Variants in GMDS observed in about 807,000 individuals in gnomAD.
The protein encoded by GMDS is GDP-mannose 4,6-dehydratase.
GMDS carries 20 observed loss-of-function variants against 49.9 expected under a neutral mutation model. That is an observed-to-expected ratio of 0.40 (90% CI 0.28 to 0.58). The LOEUF is 0.58. Among genes scored for constraint, GMDS ranks in the 20% least tolerant of loss-of-function variants. GMDS has a pLI of 0.42. For synonymous variants in GMDS, 177 were observed against 178.6 expected (o/e 0.99, Z 0.07); for missense variants, 362 against 481.4 (o/e 0.75, Z 2.32).
At position 1,722,215 on chromosome 6, in the gene GMDS, C is replaced by T. The variant is rs141225049; in HGVS notation, c.987+4201G>A. ...CCCAGTAGCTGTGACTACAGGTGCC[C>T]GCCACCCTCCCTGGCTAATTATTAT... On this transcript the variant is annotated intron_variant, in intron 9 of 10. Transcript: ENST00000380815. Among the ~76,000 whole-genome samples the T allele has an allele frequency of 4.7e-3, 656 of 138,744 alleles. 2 individuals carry two copies. The highest frequency in any genetic ancestry group is 0.015 in the African/African-American group (599 of 38,664). The allele number at this position is 138,744 out of a possible 152,430, so 91.0% of individuals were successfully genotyped here.
At chr6:1,909,964 G>C (rs895890426) in intron 7 of GMDS, among the ~76,000 whole-genome samples, 1 of 152,218 alleles carries the variant, frequency 6.6e-6, no homozygotes, top group Non-Finnish European at 1.5e-5. Context: ...GGCCTGAACT[G>C]TGGCTCATCT....
At chr6:1,665,823 G>A (rs941991281) in intron 9 of GMDS, among the ~76,000 whole-genome samples, 5 of 152,172 alleles carry the variant, frequency 3.3e-5, no homozygotes, top group Admixed American at 1.3e-4. Context: ...ATGTCTTCAG[G>A]CTACAAGGAA....
At chr6:1,717,313 A>T (rs1766210181) in intron 9 of GMDS, among the ~76,000 whole-genome samples, 1 of 152,228 alleles carries the variant, frequency 6.6e-6, no homozygotes, top group African/African-American at 2.4e-5. Context: ...GGCTCTAGGG[A>T]GCAAGTACAA....
intron 1 of GMDS, among the ~76,000 whole-genome samples, chr6:2,241,812 T>A (rs536666724): frequency 4.6e-5 from 7 of 152,314 alleles, no homozygotes; most frequent in African/African-American, 1.7e-4. Context: ...CTTTTCTTTA[T>A]AAATTACCCA....
chr6:1,654,385 C>T (rs1489320113), intron 9 of GMDS, among the ~76,000 whole-genome samples: 1 of 152,156 alleles, frequency 6.6e-6, no homozygotes, highest in Non-Finnish European at 1.5e-5. Flanking sequence ...ATTAATGAAT[C>T]GACAGACTGT....
At chr6:1,688,042 C>A (rs536629396) in intron 9 of GMDS, among the ~76,000 whole-genome samples, 7 of 152,108 alleles carry the variant, frequency 4.6e-5, no homozygotes, top group African/African-American at 1.7e-4. Context: ...GAATGGAGGC[C>A]GTGAGGCTCT....
At chr6:2,243,740 G>C (rs929696476) in intron 1 of GMDS, among the ~76,000 whole-genome samples, 1 of 148,996 alleles carries the variant, frequency 6.7e-6, no homozygotes, top group African/African-American at 2.5e-5. Context: ...ATTACCTTAA[G>C]CAAAGCAAGA....
chr6:1,901,750 A>G lies in GMDS; in HGVS notation c.771+28353T>C, dbSNP rs1486202403. 4.6e-5 allele frequency among the ~76,000 whole-genome samples: 7 copies of G among 152,334 alleles called. No individual in the cohort carries two copies. The South Asian group carries it at 1.0e-3, about 23-fold the overall frequency. The stretch of plus-strand genomic sequence containing the variant: ...GACACAGGCCAGCCTTTGCTCATTC[A>G]GTGTATACTGAGCTCATCCTATGTG... On this transcript the variant is annotated intron_variant, in intron 7 of 10. Transcript: ENST00000380815.
At chr6:1,992,163 C>A (rs1403920752) in intron 4 of GMDS, among the ~76,000 whole-genome samples, 1 of 152,210 alleles carries the variant, frequency 6.6e-6, no homozygotes, top group Non-Finnish European at 1.5e-5. Context: ...TTCTGAGTTT[C>A]TGAGTATTCC....
intron 9 of GMDS, among the ~76,000 whole-genome samples, chr6:1,723,147 C>T (rs1766445169): frequency 6.6e-6 from 1 of 152,110 alleles, no homozygotes; most frequent in Non-Finnish European, 1.5e-5. Flanking sequence ...TCTATGGAAC[C>T]ACTGGTGGCC....
chr6:2,207,859 A>T (rs1779874335), intron 1 of GMDS, among the ~76,000 whole-genome samples: 1 of 151,892 alleles, frequency 6.6e-6, no homozygotes, highest in Non-Finnish European at 1.5e-5. Flanking sequence ...GACACAGTAA[A>T]TTCCTCTCAA....
intron 1 of GMDS, among the ~76,000 whole-genome samples, chr6:2,130,687 C>A (rs898186203): frequency 2.0e-5 from 3 of 152,102 alleles, no homozygotes; most frequent in Non-Finnish European, 2.9e-5. Flanking sequence ...GCACAGAATT[C>A]TCTCCCCCAA....
chr6:1,709,732 G>A (rs542013419), intron 9 of GMDS, among the ~76,000 whole-genome samples: 3 of 152,316 alleles, frequency 2.0e-5, no homozygotes, highest in East Asian at 1.9e-4. Flanking sequence ...ATGAGAGTAC[G>A]TGCAAAAAGA....
rs150889775 is a variant in GMDS, at chr6:1,755,114, T to C, written c.772-12528A>G. ...AATTATCTGTTTGCAGATGACATGA[T>C]TGTATATTTAGAAAACCCCACTGTC... On this transcript the variant is annotated intron_variant, in intron 7 of 10. Coordinates refer to ENST00000380815, the MANE Select transcript of GMDS (RefSeq NM_001500.4). Among the ~76,000 whole-genome samples the C allele has an allele frequency of 4.4e-3, 668 of 152,316 alleles. 4 individuals are homozygous for C. The highest frequency in any genetic ancestry group is 0.015 in the African/African-American group (615 of 41,560).
intron 7 of GMDS, among the ~76,000 whole-genome samples, chr6:1,850,792 G>A (rs1170803527): frequency 6.6e-6 from 1 of 152,160 alleles, no homozygotes; most frequent in Non-Finnish European, 1.5e-5. Context: ...TGCTTCCTAA[G>A]ACCAACCTCA....
chr6:1,874,536 A>G (rs1758937105), intron 7 of GMDS, among the ~76,000 whole-genome samples: 2 of 152,246 alleles, frequency 1.3e-5, no homozygotes, highest in African/African-American at 4.8e-5. Flanking sequence ...GTCACACACG[A>G]CAATCTCTTC....
intron 4 of GMDS, among the ~76,000 whole-genome samples, chr6:2,055,037 A>G (rs1295942447): frequency 2.0e-5 from 3 of 152,158 alleles, no homozygotes; most frequent in Non-Finnish European, 4.4e-5. Flanking sequence ...TTCTAAAACT[A>G]AACAACATCA....
rs546824567 is a variant in GMDS at position 2,191,582 on chromosome 6, G to A, written c.102+53739C>T. ...TACCTCCACTGTCTGGCCTCTCCCC[G>A]CTCCAGGCACCTGCTATGATCTCCG... On this transcript the variant is annotated intron_variant, in intron 1 of 10. Coordinates refer to ENST00000380815, the MANE Select transcript of GMDS (RefSeq NM_001500.4). The surrounding 1 kb of genome is among the most constrained non-coding windows in gnomAD (Gnocchi z 4.6). Among the ~76,000 whole-genome samples, 991 of 152,258 alleles carry A rather than the reference G, an allele frequency of 6.5e-3. 3 individuals carry two copies. Among genetic ancestry groups the A allele is most frequent in the Non-Finnish European group, 8.7e-3 (593 of 68,004 alleles).
chr6:2,232,157 T>TG lies in GMDS; in HGVS notation c.102+13163_102+13164insC, dbSNP rs943148416. Among the ~76,000 whole-genome samples, 12 of 31,530 alleles carry TG rather than the reference T, an allele frequency of 3.8e-4. No individual in the cohort carries two copies. In the African/African-American group the frequency reaches 4.3e-3, roughly 11 times the overall value. 20.7% of individuals were successfully genotyped at this position (31,530 alleles called of 152,430 possible). ...CTTACATTTTGGTGTGTAAAACGGG[T>TG]TTTTTTTTTTAAATACTGTGATAGC... On this transcript the variant is annotated intron_variant, in intron 1 of 10. Transcript: ENST00000380815.
Sources: allele counts gnomAD v4.1 joint callset (sites outside exome capture counted in the v4.1 genomes callset), GRCh38; gene constraint gnomAD v4.1.1; non-coding constraint Gnocchi (gnomAD v3.1); transcripts MANE v1.5; gene names NCBI Gene and HGNC (gene_info 2026-07-23, HGNC 2026-07-21).